Variants in SH3PXD2B observed in about 807,000 individuals in gnomAD.
The protein encoded by SH3PXD2B is SH3 and PX domain-containing protein 2B.
In SH3PXD2B, 37 loss-of-function variants were observed where a neutral mutation model predicts 73.1. That is an observed-to-expected ratio of 0.51 (90% CI 0.39 to 0.67). The LOEUF (loss-of-function observed/expected upper bound fraction) is 0.67, where lower values mean the gene tolerates loss of function less well. SH3PXD2B is among the 30% of genes least tolerant of loss of function. The pLI, the probability that SH3PXD2B is intolerant of heterozygous loss-of-function variation, is 0.00. For missense variants in SH3PXD2B, 1,053 were observed against 1,197.8 expected (o/e 0.88, Z 1.78); for synonymous variants, 457 against 480.5 (o/e 0.95, Z 0.64).
At chr5:172,364,021 G>A (rs980148168) in intron 6 of SH3PXD2B, among the ~76,000 whole-genome samples, 4 of 152,202 alleles carry the variant, frequency 2.6e-5, no homozygotes, top group Non-Finnish European at 5.9e-5. Flanking sequence ...AGGAGGGAAC[G>A]AAGTAGAGAG....
intron 1 of SH3PXD2B, among the ~76,000 whole-genome samples, chr5:172,453,308 A>G (rs1759843792): frequency 6.6e-6 from 1 of 151,956 alleles, no homozygotes; most frequent in African/African-American, 2.4e-5. Context: ...TCACCGCCAG[A>G]GACACTATAG....
chr5:172,443,005 C>G (rs1759582120), intron 1 of SH3PXD2B, among the ~76,000 whole-genome samples: 1 of 152,166 alleles, frequency 6.6e-6, no homozygotes, highest in Non-Finnish European at 1.5e-5. Flanking sequence ...AACCCACGGA[C>G]CCCTTCTCAG....
intron 1 of SH3PXD2B, among the ~76,000 whole-genome samples, chr5:172,453,119 C>CTTTTT (rs200813110): frequency 0.012 from 1,828 of 151,864 alleles, 35 homozygotes; most frequent in African/African-American, 0.04. Context: ...AGAATTAGTT[C>CTTTTT]TTAAAAAAAA....
rs901484693 is a variant in SH3PXD2B at position 172,445,345 on chromosome 5, A to C, written c.75+8933T>G. On this transcript the variant is annotated intron_variant, in intron 1 of 12. Transcript: ENST00000311601. This position sits in a 1 kb window ranked among gnomAD's most constrained non-coding sequence, Gnocchi z 5.2. The stretch of plus-strand genomic sequence containing the variant: ...TGCCTCAGCCTCTCAAGTAGCTGGG[A>C]TTGCAGGCGAGAATCATCACACCCA... 7.2e-5 allele frequency among the ~76,000 whole-genome samples: 11 copies of C among 152,170 alleles called. No individual in the cohort carries two copies. The highest frequency in any genetic ancestry group is 7.2e-4 in the Admixed American group (11 of 15,278).
intron 1 of SH3PXD2B, among the ~76,000 whole-genome samples, chr5:172,446,421 C>G (rs892725087): frequency 3.3e-5 from 5 of 152,222 alleles, no homozygotes; most frequent in Non-Finnish European, 7.3e-5. Context: ...TTTCCTGCAG[C>G]TGCAGGGACC....
At chr5:172,387,669 A>G (rs2113384488) in intron 4 of SH3PXD2B, among the ~76,000 whole-genome samples, 1 of 152,350 alleles carries the variant, frequency 6.6e-6, no homozygotes, top group Middle Eastern at 3.4e-3. Context: ...TGGGATTTCA[A>G]GGAGCTTCCA....
At chr5:172,424,074 G>A (rs560368256) in intron 1 of SH3PXD2B, among the ~76,000 whole-genome samples, 1 of 152,300 alleles carries the variant, frequency 6.6e-6, no homozygotes, top group African/African-American at 2.4e-5. Flanking sequence ...CCTGAGAAAG[G>A]AGCCACCATC....
intron 2 of SH3PXD2B, among the ~76,000 whole-genome samples, chr5:172,414,247 T>C (rs1758766180): frequency 1.3e-5 from 2 of 152,100 alleles, no homozygotes; most frequent in East Asian, 1.9e-4. Context: ...GGCGGGTGGA[T>C]TGCTTGAGGC....
In SH3PXD2B at chr5:172,335,264, CT is replaced by C. The variant is rs1756660142; in HGVS notation, c.*3104del. 2.7e-6 allele frequency: 3 copies of C among 1,100,888 alleles called. No individual in the cohort carries two copies. Among genetic ancestry groups the C allele is most frequent in the Non-Finnish European group, 3.3e-6 (3 of 905,598 alleles). The allele number at this position is 1,100,888 out of a possible 1,614,324, so 68.2% of individuals were successfully genotyped here. A position where few individuals can be genotyped will look rare whatever the true frequency, so the allele number is the denominator to read the frequency against. On this transcript the variant is annotated 3_prime_UTR_variant, in exon 13 of 13. Transcript: ENST00000311601. ...GGAAGAAAAAAAAATCTCTGCCCACCTTTTGGGCTGCCATTTGGCCTGTGAC... is the reference window on the plus strand; with the variant it reads ...GGAAGAAAAAAAAATCTCTGCCCACCTTTGGGCTGCCATTTGGCCTGTGAC...
chr5:172,343,629 C>T (rs1756908425), intron 12 of SH3PXD2B, among the ~76,000 whole-genome samples: 1 of 151,892 alleles, frequency 6.6e-6, no homozygotes, highest in East Asian at 1.9e-4. Flanking sequence ...GGTGAAACCC[C>T]GTCTCTACTA....
intron 2 of SH3PXD2B, among the ~76,000 whole-genome samples, chr5:172,411,853 C>T (rs950506833): frequency 2.8e-4 from 43 of 151,910 alleles, no homozygotes; most frequent in African/African-American, 9.7e-4. Flanking sequence ...CCATTTCAAC[C>T]ACACTTGGGT....
chr5:172,334,015 A>C lies in SH3PXD2B; in HGVS notation c.*4354T>G. On this transcript the variant is annotated 3_prime_UTR_variant, in exon 13 of 13. Coordinates refer to ENST00000311601, the MANE Select transcript of SH3PXD2B (RefSeq NM_001017995.3). ...GCACCTTCTTTTTTACATGAATAGG[A>C]CATCTAAAAGTGAAGGCTACCGACT... 1 of 1,187,158 alleles carries C rather than the reference A, an allele frequency of 8.4e-7. No individual in the cohort carries two copies. The highest frequency in any genetic ancestry group is 1.1e-6 in the Non-Finnish European group (1 of 946,184). 73.5% of individuals were successfully genotyped at this position (1,187,158 alleles called of 1,614,324 possible).
intron 5 of SH3PXD2B, among the ~76,000 whole-genome samples, chr5:172,374,285 C>T (rs1366741042): frequency 6.6e-6 from 1 of 152,174 alleles, no homozygotes; most frequent in East Asian, 1.9e-4. Flanking sequence ...GAACACAGTG[C>T]ACCTCCCAAG....
At position 172,368,628 on chromosome 5, in the gene SH3PXD2B, ATAAT is replaced by A. The variant is rs1207910677; in HGVS notation, c.427+5158_427+5161del. Among the ~76,000 whole-genome samples the A allele has an allele frequency of 1.9e-3, 22 of 11,548 alleles. 5 individuals are homozygous for A. Among genetic ancestry groups the A allele is most frequent in the African/African-American group, 0.014 (22 of 1,624 alleles). 7.6% of individuals were successfully genotyped at this position (11,548 alleles called of 152,430 possible). ...TATAATATATATGTTATATATATAT[ATAAT>A]ATATATGTTATATATATAAAATATA... On this transcript the variant is annotated intron_variant, in intron 6 of 12. Transcript: ENST00000311601.
intron 3 of SH3PXD2B, among the ~76,000 whole-genome samples, chr5:172,400,259 A>C (rs1045676875): frequency 5.3e-5 from 8 of 152,258 alleles, no homozygotes; most frequent in East Asian, 1.9e-4. Context: ...CTTTAATCTC[A>C]GAAGACTGTG....
At chr5:172,434,170 A>G (rs528323723) in intron 1 of SH3PXD2B, among the ~76,000 whole-genome samples, 1 of 152,296 alleles carries the variant, frequency 6.6e-6, no homozygotes, top group East Asian at 1.9e-4. Flanking sequence ...GGGGACGGAT[A>G]CCCCAAATGC....
intron 1 of SH3PXD2B, among the ~76,000 whole-genome samples, chr5:172,434,792 T>TTTGTTTTTTTGG (rs754618887): frequency 1.3e-5 from 2 of 150,648 alleles, no homozygotes; most frequent in African/African-American, 2.5e-5. Flanking sequence ...GTTTTTTTTT[T>TTTGTTTTTTTGG]TTTTTTTTTC....
At chr5:172,437,727 C>T (rs1013065496) in intron 1 of SH3PXD2B, among the ~76,000 whole-genome samples, 1 of 152,216 alleles carries the variant, frequency 6.6e-6, no homozygotes, top group African/African-American at 2.4e-5. Flanking sequence ...GGCCAAAATA[C>T]AAGTGCTTGT....
intron 2 of SH3PXD2B, among the ~76,000 whole-genome samples, chr5:172,409,875 C>T (rs1019076342): frequency 1.3e-5 from 2 of 152,164 alleles, no homozygotes; most frequent in Admixed American, 6.5e-5. Flanking sequence ...GTCACCACAC[C>T]TGGCTAATTT....
Sources: allele counts gnomAD v4.1 joint callset (sites outside exome capture counted in the v4.1 genomes callset), GRCh38; gene constraint gnomAD v4.1.1; non-coding constraint Gnocchi (gnomAD v3.1); transcripts MANE v1.5; gene names NCBI Gene and HGNC (gene_info 2026-07-23, HGNC 2026-07-21).